ME3: variants seen among roughly 807,000 people sequenced by gnomAD.
ME3 encodes malic enzyme 3.
In ME3, 48 loss-of-function variants were observed where a neutral mutation model predicts 68.9. The observed-to-expected ratio is 0.70, with a 90% CI of 0.55 to 0.89. The LOEUF is 0.89. Ranked by LOEUF, ME3 falls within the 40% of genes least tolerant of loss-of-function variation. The pLI is 0.00. For missense variants in ME3, 675 were observed against 797.4 expected (o/e 0.85, Z 1.85); for synonymous variants, 320 against 318.8 (o/e 1.00, Z -0.04).
chr11:86,506,930 A>AACCTGCAGG (rs1288472910), intron 5 of ME3, among the ~76,000 whole-genome samples: 2 of 152,306 alleles, frequency 1.3e-5, no homozygotes, highest in Admixed American at 6.5e-5. Context: ...CTGGGACCAA[A>AACCTGCAGG]ACCTGCAGGG....
At chr11:86,436,228 G>T (rs1247973551), downstream of ME3, 1 of 151,812 alleles carries the variant, frequency 6.6e-6, no homozygotes, top group East Asian at 1.9e-4. Context: ...GGTGAGTGTT[G>T]TTATGCCATT....
intron 4 of ME3, among the ~76,000 whole-genome samples, chr11:86,518,408 C>T (rs997813719): frequency 6.6e-6 from 1 of 152,168 alleles, no homozygotes; most frequent in Non-Finnish European, 1.5e-5. Flanking sequence ...TATCATCGGC[C>T]ACCTGTTTTA....
At chr11:86,471,169 A>C (rs1950765056) in intron 7 of ME3, among the ~76,000 whole-genome samples, 1 of 35,082 alleles carries the variant, frequency 2.9e-5, no homozygotes, top group African/African-American at 1.3e-4. Context: ...TTTTTTTTTG[A>C]GAGACAGAGT....
At chr11:86,465,028 C>G in intron 8 of ME3, 63 bp downstream of exon 8, 1 of 1,337,264 alleles carries the variant, frequency 7.5e-7, no homozygotes, top group Non-Finnish European at 1.1e-6. Flanking sequence ...CCTTTGGCAT[C>G]CCAGTGAGGT....
chr11:86,550,633 T>C (rs1956618286), intron 4 of ME3, among the ~76,000 whole-genome samples: 1 of 152,192 alleles, frequency 6.6e-6, no homozygotes, highest in South Asian at 2.1e-4. Context: ...GAATCAGTGC[T>C]TTGGTGCCCT....
chr11:86,459,192 T>C (rs1454935709), intron 8 of ME3, among the ~76,000 whole-genome samples: 2 of 152,054 alleles, frequency 1.3e-5, no homozygotes, highest in African/African-American at 4.8e-5. Context: ...AATCATGGAG[T>C]TGGCAGAAAA....
At chr11:86,467,687 TCTCTCTCA>T (rs1346539090) in intron 7 of ME3, among the ~76,000 whole-genome samples, 4 of 130,610 alleles carry the variant, frequency 3.1e-5, no homozygotes, top group African/African-American at 1.1e-4. Flanking sequence ...TCTCTCTCTC[TCTCTCTCA>T]CACACACACA....
intron 6 of ME3, among the ~76,000 whole-genome samples, chr11:86,489,347 G>A (rs1951864304): frequency 6.6e-6 from 1 of 152,170 alleles, no homozygotes; most frequent in Admixed American, 6.5e-5. Flanking sequence ...GGCTGCATGG[G>A]GATGATTGTG....
chr11:86,526,023 A>C (rs1467883706), intron 4 of ME3, among the ~76,000 whole-genome samples: 4 of 152,232 alleles, frequency 2.6e-5, no homozygotes, highest in African/African-American at 7.2e-5. Context: ...AAGTGGATGC[A>C]GGACAGTGGG....
At chr11:86,553,750 A>C (rs371968574) in intron 4 of ME3, among the ~76,000 whole-genome samples, 4 of 152,158 alleles carry the variant, frequency 2.6e-5, no homozygotes. Context: ...TGCTGGATCA[A>C]TTCCTCCCAG....
chr11:86,458,865 C>T (rs1485931089), intron 8 of ME3, among the ~76,000 whole-genome samples: 2 of 152,228 alleles, frequency 1.3e-5, no homozygotes, highest in Admixed American at 6.5e-5. Context: ...CTGTCTGCCT[C>T]TTCCCTATTG....
At chr11:86,547,673 T>G (rs1441348393) in intron 4 of ME3, among the ~76,000 whole-genome samples, 1 of 151,782 alleles carries the variant, frequency 6.6e-6, no homozygotes, top group East Asian at 1.9e-4. Flanking sequence ...ACAAAAAAAA[T>G]AAGAAGCCAC....
At chr11:86,446,845 G>T in intron 12 of ME3, 1 of 648,208 alleles carries the variant, frequency 1.5e-6, no homozygotes, top group South Asian at 2.2e-5. Flanking sequence ...ACCTTGAGCA[G>T]CATAGCACAA....
chr11:86,652,698 A>C (rs1442488012), intron 2 of ME3, among the ~76,000 whole-genome samples: 2 of 151,836 alleles, frequency 1.3e-5, no homozygotes, highest in Non-Finnish European at 2.9e-5. Context: ...AATGAGCAAA[A>C]TCACCAGCTA....
Position 86,446,279 on chromosome 11 carries a change from A to G in ME3, c.1554+35T>C, listed in dbSNP as rs184094760. ...GACCCAGTGTCAACCCACAGACCCT[A>G]CTGCAAGCATTTGAGGGAGCAAGGA... On this transcript the variant is annotated intron_variant, in intron 13 of 14. Transcript: ENST00000543262. 81 of 1,610,172 alleles carry G rather than the reference A, an allele frequency of 5.0e-5. No individual in the cohort carries two copies. In the African/African-American group the frequency reaches 7.6e-4, roughly 15 times the overall value.
At chr11:86,438,156 T>C (rs923359361), downstream of ME3, among the ~76,000 whole-genome samples, 2 of 152,216 alleles carry the variant, frequency 1.3e-5, no homozygotes, top group African/African-American at 4.8e-5. Flanking sequence ...TTCTTTTCTA[T>C]TTCTACTTTG....
At chr11:86,436,939 T>A (rs1948900580), downstream of ME3, 1 of 152,204 alleles carries the variant, frequency 6.6e-6, no homozygotes, top group Non-Finnish European at 1.5e-5. Flanking sequence ...TTTTTTGGTA[T>A]AAATTTAAGG....
intron 4 of ME3, among the ~76,000 whole-genome samples, chr11:86,524,297 CT>C (rs1954563191): frequency 6.6e-6 from 1 of 152,256 alleles, no homozygotes; most frequent in South Asian, 2.1e-4. Context: ...TACTGTCCCC[CT>C]GACTCAGAGG....
At chr11:86,598,852 G>C (rs1960057338) in intron 2 of ME3, among the ~76,000 whole-genome samples, 1 of 152,180 alleles carries the variant, frequency 6.6e-6, no homozygotes, top group Admixed American at 6.5e-5. Context: ...GTCTGGAGTG[G>C]ACCTCTAGCA....
Sources: gnomAD v4.1 joint callset for allele counts (sites outside exome capture counted in the v4.1 genomes callset) on GRCh38, gnomAD v4.1.1 for gene constraint, MANE v1.5 for transcripts, NCBI Gene and HGNC (gene_info 2026-07-23, HGNC 2026-07-21) for gene names.